The following TFDP2 variants were observed in gnomAD, a reference collection of about 807,000 sequenced individuals.
TFDP2 encodes the protein transcription factor Dp-2 (E2F dimerization partner 2).
A neutral mutation model predicts 59.3 loss-of-function variants in TFDP2; 17 were observed. The ratio of observed to expected loss-of-function variants is 0.29; its 90% confidence interval spans 0.20 to 0.43. TFDP2 has a LOEUF of 0.43. Among genes scored for constraint, TFDP2 ranks in the 20% least tolerant of loss-of-function variants. TFDP2 has a pLI of 1.00. For synonymous variants in TFDP2, 180 were observed against 194.7 expected, an observed-to-expected ratio of 0.92 and a Z score of 0.63; for missense variants, 391 against 528.8, an observed-to-expected ratio of 0.74 and a Z score of 2.56.
chr3:142,115,942 C>T (rs62284574), intron 1 of TFDP2, among the ~76,000 whole-genome samples: 22,643 of 152,114 alleles, frequency 0.15, 1,965 homozygotes, highest in East Asian at 0.24. Flanking sequence ...GTAGTCCAGT[C>T]AATTATATTG....
intron 1 of TFDP2, among the ~76,000 whole-genome samples, chr3:142,142,795 C>A (rs2063005887): frequency 6.6e-6 from 1 of 152,184 alleles, no homozygotes; most frequent in Admixed American, 6.5e-5. Flanking sequence ...AGAAACAAAT[C>A]CACACACCTA....
intron 9 of TFDP2, among the ~76,000 whole-genome samples, chr3:141,969,310 T>A (rs1312301403): frequency 7.0e-6 from 1 of 143,870 alleles, no homozygotes; most frequent in African/African-American, 2.6e-5. Context: ...TTTTGGTATT[T>A]CTATAAATCT....
intron 1 of TFDP2, among the ~76,000 whole-genome samples, chr3:142,139,756 C>G (rs1449205726): frequency 6.6e-6 from 1 of 152,196 alleles, no homozygotes; most frequent in Non-Finnish European, 1.5e-5. Flanking sequence ...TGATGGGCTT[C>G]CCTTTTTGGG....
At chr3:142,085,452 GAAAT>G (rs1170079031) in intron 3 of TFDP2, among the ~76,000 whole-genome samples, 2 of 151,206 alleles carry the variant, frequency 1.3e-5, no homozygotes, top group African/African-American at 2.5e-5. Context: ...CAAAATATTA[GAAAT>G]AAATATGATT....
At chr3:141,970,598 G>T (rs11569247) in intron 8 of TFDP2, among the ~76,000 whole-genome samples, 11,352 of 152,274 alleles carry the variant, frequency 0.075, 527 homozygotes, top group Non-Finnish European at 0.11. Flanking sequence ...CCAAGGTCAC[G>T]CAGCTAGTGA....
intron 3 of TFDP2, among the ~76,000 whole-genome samples, chr3:142,066,679 T>C (rs1225437072): frequency 1.3e-5 from 2 of 152,142 alleles, no homozygotes; most frequent in African/African-American, 4.8e-5. Flanking sequence ...TTCTGGGGAC[T>C]CTAACTTCAG....
At chr3:142,058,900 GT>G (rs1368011066) in intron 3 of TFDP2, among the ~76,000 whole-genome samples, 2 of 152,164 alleles carry the variant, frequency 1.3e-5, no homozygotes, top group Non-Finnish European at 2.9e-5. Context: ...CCTGCTGGAA[GT>G]CAGAGGTGGG....
At chr3:142,009,255 T>C (rs1274539123) in intron 3 of TFDP2, among the ~76,000 whole-genome samples, 1 of 152,184 alleles carries the variant, frequency 6.6e-6, no homozygotes, top group Non-Finnish European at 1.5e-5. Context: ...TGCAATACAG[T>C]TTAATTACAA....
rs147961018 is a variant in TFDP2 at position 141,961,971 on chromosome 3, G to A, written c.884+1841C>T. Among the ~76,000 whole-genome samples, 41 of 152,112 alleles carry A rather than the reference G, an allele frequency of 2.7e-4. No homozygotes were observed. The East Asian group carries it at 3.5e-3, about 13-fold the overall frequency. On this transcript the variant is annotated intron_variant, in intron 10 of 12. Coordinates refer to ENST00000489671, the MANE Select transcript of TFDP2 (RefSeq NM_001178139.2). ...AATCCACTCTTTTTTTGGGGGGGACGGAGTTTTGCTCTTGCTGCCCAGGCT... is the reference window on the plus strand; with the variant it reads ...AATCCACTCTTTTTTTGGGGGGGACAGAGTTTTGCTCTTGCTGCCCAGGCT...
At chr3:142,113,565 T>A (rs1577015421) in intron 1 of TFDP2, among the ~76,000 whole-genome samples, 1 of 152,170 alleles carries the variant, frequency 6.6e-6, no homozygotes, top group South Asian at 2.1e-4. Flanking sequence ...CCGGCCGACT[T>A]TTTGAAATAT....
At chr3:142,049,452 T>C (rs1365174480) in intron 3 of TFDP2, among the ~76,000 whole-genome samples, 1 of 152,192 alleles carries the variant, frequency 6.6e-6, no homozygotes, top group Non-Finnish European at 1.5e-5. Flanking sequence ...AGACAAGGAA[T>C]AGATGGGAAC....
At chr3:142,127,351 G>C (rs577782671) in intron 1 of TFDP2, among the ~76,000 whole-genome samples, 1 of 133,008 alleles carries the variant, frequency 7.5e-6, no homozygotes, top group South Asian at 2.4e-4. Context: ...TGTGTTGCCA[G>C]CCTGCAGTGC....
At chr3:141,980,840 T>C (rs1941413533) in intron 6 of TFDP2, among the ~76,000 whole-genome samples, 1 of 152,146 alleles carries the variant, frequency 6.6e-6, no homozygotes, top group Admixed American at 6.5e-5. Flanking sequence ...CTGGCCAATA[T>C]TGTTTGTGTT....
intron 3 of TFDP2, among the ~76,000 whole-genome samples, chr3:142,027,945 T>C (rs1318398955): frequency 6.6e-6 from 1 of 152,098 alleles, no homozygotes; most frequent in Non-Finnish European, 1.5e-5. Context: ...CATAAAGCAG[T>C]GGAATGCACC....
At chr3:141,963,778 C>A in intron 10 of TFDP2, 34 bp downstream of exon 10, 1 of 1,563,954 alleles carries the variant, frequency 6.4e-7, no homozygotes. Context: ...TAACAGAAGG[C>A]CAGCCCTGCA....
chr3:141,993,971 C>T (rs1331439173), intron 5 of TFDP2, among the ~76,000 whole-genome samples: 1 of 152,264 alleles, frequency 6.6e-6, no homozygotes, highest in Non-Finnish European at 1.5e-5. Flanking sequence ...TGGGCCAGCA[C>T]TGCTGGCACA....
At chr3:142,062,392 A>AT (rs2059947209) in intron 3 of TFDP2, among the ~76,000 whole-genome samples, 1 of 41,360 alleles carries the variant, frequency 2.4e-5, no homozygotes, top group Admixed American at 3.1e-4. Context: ...TATATATTAT[A>AT]TAATATATAT....
chr3:142,145,595 C>T (rs1373297202), intron 1 of TFDP2: 4 of 151,962 alleles, frequency 2.6e-5, no homozygotes, highest in African/African-American at 7.3e-5. Context: ...AAAAATCAGC[C>T]GGGTATGGTG....
chr3:142,136,431 T>C (rs1042946116), intron 1 of TFDP2, among the ~76,000 whole-genome samples: 1 of 152,084 alleles, frequency 6.6e-6, no homozygotes, highest in Non-Finnish European at 1.5e-5. Flanking sequence ...TTTAATTAGA[T>C]CCCATTTGTC....
Sources: allele counts gnomAD v4.1 joint callset (sites outside exome capture counted in the v4.1 genomes callset), GRCh38; gene constraint gnomAD v4.1.1; transcripts MANE v1.5; gene names NCBI Gene and HGNC (gene_info 2026-07-23, HGNC 2026-07-21).